ELFN2: variants seen among roughly 807,000 people sequenced by gnomAD.
ELFN2 encodes extracellular leucine rich repeat and fibronectin type III domain containing 2, also known as protein phosphatase 1 regulatory subunit 29.
A neutral mutation model predicts 45.5 loss-of-function variants in ELFN2; 17 were observed. The observed-to-expected ratio is 0.37, with a 90% CI of 0.26 to 0.56. The LOEUF (loss-of-function observed/expected upper bound fraction) is 0.56. ELFN2 is among the 20% of genes least tolerant of loss of function. The pLI, the probability that ELFN2 is intolerant of heterozygous loss-of-function variation, is 0.77. For synonymous variants in ELFN2, 550 were observed against 551.5 expected, an observed-to-expected ratio of 1.00 and a Z score of 0.04; for missense variants, 922 against 1,183.2, an observed-to-expected ratio of 0.78 and a Z score of 3.24.
rs1170708164 is a variant in ELFN2 at position 37,368,465 on chromosome 22, G to A, written c.*4607C>T. ...GCTCAGCAGGACTGCCTGACCTTTA[G>A]TGAGGCCTGAAGCCGCCTCTGGAGG... On this transcript the variant is annotated 3_prime_UTR_variant, in exon 3 of 3. Coordinates refer to ENST00000402918, the MANE Select transcript of ELFN2 (RefSeq NM_052906.5). 6.6e-6 allele frequency: 1 copy of A among 152,324 alleles called. No individual in the cohort carries two copies. 9.4% of individuals were successfully genotyped at this position (152,324 alleles called of 1,614,324 possible).
chr22:37,350,528 T>G (rs189968822), intron 1 of ELFN2, among the ~76,000 whole-genome samples: 1 of 150,434 alleles, frequency 6.6e-6, no homozygotes, highest in East Asian at 1.9e-4. Context: ...CCGCAGGCCC[T>G]ATCCCCTCTT....
chr22:37,350,773 G>A (rs567405865), intron 1 of ELFN2, among the ~76,000 whole-genome samples: 23 of 150,124 alleles, frequency 1.5e-4, no homozygotes, highest in African/African-American at 5.6e-4. Flanking sequence ...GAGAGGGGCC[G>A]CTGGGAGGCG....
At chr22:37,412,454 C>A (rs1030387189) in intron 2 of ELFN2, among the ~76,000 whole-genome samples, 1 of 152,046 alleles carries the variant, frequency 6.6e-6, no homozygotes, top group African/African-American at 2.4e-5. Context: ...AGGACTCCCT[C>A]CTCCAGCACC....
intron 2 of ELFN2, among the ~76,000 whole-genome samples, chr22:37,386,291 G>T (rs1004129012): frequency 6.6e-6 from 1 of 152,088 alleles, no homozygotes; most frequent in African/African-American, 2.4e-5. Flanking sequence ...TTCTGGAATG[G>T]CTCCTTGGTC....
At chr22:37,412,150 G>A (rs1932663297) in intron 2 of ELFN2, among the ~76,000 whole-genome samples, 1 of 151,838 alleles carries the variant, frequency 6.6e-6, no homozygotes, top group African/African-American at 2.4e-5. Flanking sequence ...TTCGAGACCA[G>A]CCTGGTCAAC....
In ELFN2 at chr22:37,372,866, T is replaced by C. The variant is rs1931412384; in HGVS notation, c.*206A>G. Reference sequence around the variant, plus strand: ...AACTTTAAGGAAAATGTGTCTCTGTTTTCCTGTCCGTTATTGTCGGATGTT... The same window carrying C: ...AACTTTAAGGAAAATGTGTCTCTGTCTTCCTGTCCGTTATTGTCGGATGTT... On this transcript the variant is annotated 3_prime_UTR_variant, in exon 3 of 3. Coordinates refer to ENST00000402918, the MANE Select transcript of ELFN2 (RefSeq NM_052906.5). The surrounding 1 kb of genome is among the most constrained non-coding windows in gnomAD (Gnocchi z 4.4). 2 of 590,396 alleles carry C rather than the reference T, an allele frequency of 3.4e-6. No individual in the cohort carries two copies. Among genetic ancestry groups the C allele is most frequent in the Admixed American group, 6.6e-5 (2 of 30,522 alleles). 36.6% of individuals were successfully genotyped at this position (590,396 alleles called of 1,614,324 possible).
chr22:37,408,825 T>C (rs1348961452), intron 2 of ELFN2, among the ~76,000 whole-genome samples: 2 of 152,154 alleles, frequency 1.3e-5, no homozygotes, highest in Non-Finnish European at 2.9e-5. Context: ...GGTGACAGTA[T>C]CTATTTTGCT....
At chr22:37,356,255 G>C (rs1375206042) in intron 1 of ELFN2, among the ~76,000 whole-genome samples, 1 of 152,168 alleles carries the variant, frequency 6.6e-6, no homozygotes, top group African/African-American at 2.4e-5. Context: ...GGCTCTACCA[G>C]CTGAGGGTTA....
downstream of ELFN2, among the ~76,000 whole-genome samples, chr22:37,367,231 G>A (rs9622612): frequency 5.5e-4 from 84 of 152,362 alleles, 1 homozygote; most frequent in African/African-American, 1.8e-3. Context: ...GACTGGCCCC[G>A]AGCAGAGGCT....
Position 37,374,921 on chromosome 22 carries a change from T to C in ELFN2, c.614A>G (p.Asn205Ser), listed in dbSNP as rs1931528971. 10 of 1,612,558 alleles carry C rather than the reference T, an allele frequency of 6.2e-6. No individual in the cohort carries two copies. In the East Asian group the frequency reaches 2.2e-4, roughly 36 times the overall value. Residue 205 changes from asparagine to serine, a missense_variant, in exon 3 of 3, where the codon AAC becomes AGC. Coordinates refer to ENST00000402918, the MANE Select transcript of ELFN2 (RefSeq NM_052906.5). ...CAGGCGGTCGTAGTTCTTGGTGACG[T>C]TGTTGAAGACCACCAGCCAGGCCAG... ...GFLAWLVVFN[N>S]VTKNYDRLQC...
chr22:37,373,626 T>C lies in ELFN2; in HGVS notation c.1909A>G (p.Ile637Val), dbSNP rs1045689613. 1 of 1,600,728 alleles carries C rather than the reference T, an allele frequency of 6.2e-7. No homozygotes were observed. The highest frequency in any genetic ancestry group is 8.5e-7 in the Non-Finnish European group (1 of 1,174,888). The change falls in exon 3 of 3, where the codon ATC becomes GTC. Residue 637 changes from isoleucine to valine, a missense_variant. Physicochemically the swap from Ile to Val is conservative, Grantham distance 29 (BLOSUM62 3). This residue lies in a region of ELFN2 where 564 missense variants were observed against 642.8 expected (regional missense o/e 0.88). Coordinates refer to ENST00000402918, the MANE Select transcript of ELFN2 (RefSeq NM_052906.5). ...AGGCTAAAGACCTTGGCGCTCTTGA[T>C]GGAACCACTGGACGACACGCTGCAG... ...KTCSVSSSGS[I>V]KSAKVFSLDV...
rs1336108343 is a variant in ELFN2, at chr22:37,374,833, G to T, written c.702C>A (p.Ser234Arg). The T allele has an allele frequency of 6.2e-7, 1 of 1,607,274 alleles. No individual in the cohort carries two copies. Among genetic ancestry groups the T allele is most frequent in the Admixed American group, 1.7e-5 (1 of 60,010 alleles). Residue 234 changes from serine (S) to arginine (R), a missense_variant, in exon 3 of 3, where the codon AGC becomes AGA. Transcript: ENST00000402918. ...YPLLVPRPYHSLNAITVLQAK... is the reference protein window; with the variant it reads ...YPLLVPRPYHRLNAITVLQAK... ...CCTGGAGTACGGTGATGGCGTTGAG[G>T]CTGTGGTAGGGCCGGGGCACCAGCA...
intron 2 of ELFN2, among the ~76,000 whole-genome samples, chr22:37,383,541 G>A (rs999708663): frequency 6.6e-6 from 1 of 152,226 alleles, no homozygotes; most frequent in African/African-American, 2.4e-5. Flanking sequence ...ATCCTGCACT[G>A]GGTGAGCAGG....
rs1932301605 is a variant in ELFN2 at position 37,399,327 on chromosome 22, CT to C, written c.-463+18441del. Among the ~76,000 whole-genome samples, 3 of 152,294 alleles carry C rather than the reference CT, an allele frequency of 2.0e-5. No homozygotes were observed. The South Asian group carries it at 6.2e-4, about 32-fold the overall frequency. On this transcript the variant is annotated intron_variant, in intron 2 of 2. Coordinates refer to ENST00000402918, the MANE Select transcript of ELFN2 (RefSeq NM_052906.5). The stretch of plus-strand genomic sequence containing the variant: ...TAAGGACTGGCTGGCAAGTCTGCCC[CT>C]GTGTGGGCTTCCTGAGGGCAGGGAC...
intron 2 of ELFN2, among the ~76,000 whole-genome samples, chr22:37,403,422 G>A (rs926756420): frequency 1.3e-5 from 2 of 152,220 alleles, no homozygotes; most frequent in African/African-American, 2.4e-5. Flanking sequence ...AGGGGCCGGA[G>A]GGTGGGGATG....
intron 2 of ELFN2, among the ~76,000 whole-genome samples, chr22:37,392,305 T>G (rs915244054): frequency 6.7e-6 from 1 of 148,938 alleles, no homozygotes; most frequent in Non-Finnish European, 1.5e-5. Context: ...TGTTTGTTTG[T>G]TTGTTGGATT....
intron 2 of ELFN2, among the ~76,000 whole-genome samples, chr22:37,416,665 G>A (rs1231059646): frequency 2.0e-5 from 3 of 152,024 alleles, no homozygotes; most frequent in Admixed American, 6.5e-5. Context: ...CACAGGGGCA[G>A]GCAGGATAAG....
chr22:37,423,633 G>A (rs1020122859), intron 1 of ELFN2, among the ~76,000 whole-genome samples: 6 of 152,136 alleles, frequency 3.9e-5, no homozygotes, highest in South Asian at 2.1e-4. Flanking sequence ...GCTTCGAACC[G>A]GGCCTGGCTC....
intron 2 of ELFN2, among the ~76,000 whole-genome samples, chr22:37,341,208 A>G (rs1930551565): frequency 6.6e-6 from 1 of 151,992 alleles, no homozygotes; most frequent in Non-Finnish European, 1.5e-5. Flanking sequence ...TGCAGTCTTG[A>G]CTGGGTCGGG....
Sources: gnomAD v4.1 joint callset for allele counts (sites outside exome capture counted in the v4.1 genomes callset) on GRCh38, gnomAD v4.1.1 for gene constraint, gnomAD v4.1.1 regional missense constraint, Gnocchi (gnomAD v3.1) non-coding constraint, MANE v1.5 for transcripts, NCBI Gene and HGNC (gene_info 2026-07-23, HGNC 2026-07-21) for gene names.